Variants in ATG10 observed in about 807,000 individuals in gnomAD.
The protein encoded by ATG10 is ubiquitin-like-conjugating enzyme ATG10.
In ATG10, 30 loss-of-function variants were observed where a neutral mutation model predicts 32.1. The observed-to-expected ratio is 0.94, with a 90% confidence interval of 0.70 to 1.27. ATG10 has a LOEUF of 1.27. Ranked by LOEUF, ATG10 falls within the 50% of genes most tolerant of loss-of-function variation. ATG10 has a pLI of 0.00. For missense variants in ATG10, 233 were observed against 262.3 expected (o/e 0.89, Z 0.77); for synonymous variants, 87 against 91.5 (o/e 0.95, Z 0.28).
intron 5 of ATG10, among the ~76,000 whole-genome samples, chr5:82,211,660 T>C (rs1410499235): frequency 6.6e-6 from 1 of 152,220 alleles, no homozygotes; most frequent in Non-Finnish European, 1.5e-5. Flanking sequence ...TCAGGACTCC[T>C]TCATCCCTGT....
intron 3 of ATG10, among the ~76,000 whole-genome samples, chr5:82,103,193 G>T (rs1009285933): frequency 3.3e-5 from 5 of 152,078 alleles, no homozygotes; most frequent in Non-Finnish European, 5.9e-5. Flanking sequence ...TTATGTAAGG[G>T]TTATGACAAA....
At chr5:82,043,769 G>A (rs1763156113) in intron 2 of ATG10, among the ~76,000 whole-genome samples, 1 of 152,180 alleles carries the variant, frequency 6.6e-6, no homozygotes, top group South Asian at 2.1e-4. Flanking sequence ...CATAGCAAGA[G>A]TGATCTTTAC....
intron 3 of ATG10, among the ~76,000 whole-genome samples, chr5:82,109,859 T>A (rs2149812987): frequency 6.6e-6 from 1 of 151,868 alleles, no homozygotes; most frequent in South Asian, 2.1e-4. Flanking sequence ...AATGTGCAGG[T>A]TTGTTACATA....
At chr5:82,191,850 C>T (rs1203786247) in intron 5 of ATG10, among the ~76,000 whole-genome samples, 1 of 152,192 alleles carries the variant, frequency 6.6e-6, no homozygotes, top group Non-Finnish European at 1.5e-5. Context: ...GTCAGGACAT[C>T]CAAATCCTTG....
At chr5:82,190,934 G>A (rs186742700) in intron 5 of ATG10, among the ~76,000 whole-genome samples, 53 of 152,178 alleles carry the variant, frequency 3.5e-4, no homozygotes, top group Middle Eastern at 3.4e-3. Context: ...TATAATTGAT[G>A]CAATTGTCAA....
At chr5:82,100,009 T>TTG (rs1765210170) in intron 3 of ATG10, among the ~76,000 whole-genome samples, 1 of 127,748 alleles carries the variant, frequency 7.8e-6, no homozygotes, top group Non-Finnish European at 1.6e-5. Flanking sequence ...TGTTTTTTTT[T>TTG]TTTTTTTTTT....
chr5:82,116,291 A>G (rs1462449147), intron 3 of ATG10, among the ~76,000 whole-genome samples: 3 of 152,102 alleles, frequency 2.0e-5, no homozygotes. Context: ...GCTGTCAAGA[A>G]GATTTTGAGA....
chr5:82,042,397 C>T (rs774291368), intron 2 of ATG10, among the ~76,000 whole-genome samples: 56 of 152,128 alleles, frequency 3.7e-4, no homozygotes, highest in Non-Finnish European at 6.5e-4. Flanking sequence ...TCCTACAATT[C>T]GACATGAGAT....
chr5:82,097,126 C>A (rs561816959), intron 3 of ATG10, among the ~76,000 whole-genome samples: 3 of 152,076 alleles, frequency 2.0e-5, no homozygotes, highest in African/African-American at 7.2e-5. Flanking sequence ...TTTTAGTCAA[C>A]CTTGATTTTT....
chr5:82,239,310 G>A (rs917744952), intron 5 of ATG10, among the ~76,000 whole-genome samples: 4 of 152,136 alleles, frequency 2.6e-5, no homozygotes, highest in Non-Finnish European at 5.9e-5. Flanking sequence ...GGCTGTCTTT[G>A]TCTATGCGAT....
chr5:82,206,373 C>T (rs930834477), intron 5 of ATG10, among the ~76,000 whole-genome samples: 6 of 152,056 alleles, frequency 3.9e-5, no homozygotes, highest in Non-Finnish European at 5.9e-5. Context: ...TCTCACCGGG[C>T]GCGGTGGCTC....
intron 2 of ATG10, among the ~76,000 whole-genome samples, chr5:82,040,201 T>G (rs1313059044): frequency 6.6e-6 from 1 of 152,168 alleles, no homozygotes; most frequent in Non-Finnish European, 1.5e-5. Flanking sequence ...AATAAAACCC[T>G]CTCCTCTTGA....
Position 82,000,286 on chromosome 5 carries a change from C to T in ATG10, c.108+12608C>T, listed in dbSNP as rs111721995. 4.3e-3 allele frequency among the ~76,000 whole-genome samples: 653 copies of T among 152,224 alleles called. 2 individuals are homozygous for T. Among genetic ancestry groups the T allele is most frequent in the Middle Eastern group, 0.01 (3 of 294 alleles). On this transcript the variant is annotated intron_variant, in intron 2 of 7. Transcript: ENST00000282185. ...TCAACATTTCTTCATATTAAAAACC[C>T]TCAACAAACTAGGCACTGAAGGAAC...
At chr5:82,099,963 A>G (rs1476655689) in intron 3 of ATG10, among the ~76,000 whole-genome samples, 4 of 148,076 alleles carry the variant, frequency 2.7e-5, no homozygotes, top group Non-Finnish European at 6.0e-5. Flanking sequence ...CTTTTTAAAG[A>G]GACAGTGATT....
At chr5:82,179,496 A>C (rs1408123383) in intron 5 of ATG10, among the ~76,000 whole-genome samples, 1 of 152,156 alleles carries the variant, frequency 6.6e-6, no homozygotes, top group Non-Finnish European at 1.5e-5. Flanking sequence ...TATGGTTGCA[A>C]TAGTGATTTG....
At position 82,161,648 on chromosome 5, in the gene ATG10, G is replaced by A. The variant is rs75601384; in HGVS notation, c.217-2751G>A. Among the ~76,000 whole-genome samples, 53 of 146,924 alleles carry A rather than the reference G, an allele frequency of 3.6e-4. No homozygotes were observed. In the East Asian group the frequency reaches 0.01, roughly 28 times the overall value. On this transcript the variant is annotated intron_variant, in intron 3 of 7. Coordinates refer to ENST00000282185, the MANE Select transcript of ATG10 (RefSeq NM_031482.5). ...TAAGTATGCACTTAAGAATTGCACA[G>A]TGATGGCCTAAGAAGAGAAATAGCT...
intron 3 of ATG10, among the ~76,000 whole-genome samples, chr5:82,109,912 T>A (rs1469350801): frequency 2.0e-5 from 3 of 151,840 alleles, no homozygotes; most frequent in Non-Finnish European, 2.9e-5. Flanking sequence ...CATTAACTCG[T>A]CATTTACATT....
intron 2 of ATG10, among the ~76,000 whole-genome samples, chr5:82,001,852 C>A (rs1761857625): frequency 6.6e-6 from 1 of 152,144 alleles, no homozygotes; most frequent in South Asian, 2.1e-4. Context: ...AACAGACAAT[C>A]TACAGAATGG....
intron 5 of ATG10, among the ~76,000 whole-genome samples, chr5:82,228,803 T>G (rs748840670): frequency 5.3e-5 from 8 of 152,136 alleles, no homozygotes; most frequent in Non-Finnish European, 1.2e-4. Context: ...GCAAACAAGT[T>G]CAGAGACACT....
Sources: gnomAD v4.1 joint callset for allele counts (sites outside exome capture counted in the v4.1 genomes callset) on GRCh38, gnomAD v4.1.1 for gene constraint, MANE v1.5 for transcripts, NCBI Gene and HGNC (gene_info 2026-07-23, HGNC 2026-07-21) for gene names.